The following TENM2 variants were observed in gnomAD, a reference collection of about 807,000 sequenced individuals.
TENM2 encodes the protein teneurin-2.
A neutral mutation model predicts 245.2 loss-of-function variants in TENM2; 52 were observed. The ratio of observed to expected loss-of-function variants is 0.21; its 90% CI spans 0.17 to 0.27. The LOEUF (loss-of-function observed/expected upper bound fraction) is 0.27, where lower values mean the gene tolerates loss of function less well. TENM2 is among the 10% of genes least tolerant of loss of function. The pLI, the probability that TENM2 is intolerant of heterozygous loss-of-function variation, is 1.00. For missense variants in TENM2, 3,046 were observed against 3,666.8 expected, an observed-to-expected ratio of 0.83 and a Z score of 4.37; for synonymous variants, 1,363 against 1,438.9, an observed-to-expected ratio of 0.95 and a Z score of 1.19.
intron 1 of TENM2, among the ~76,000 whole-genome samples, chr5:167,351,623 A>C (rs1758919825): frequency 6.6e-6 from 1 of 152,188 alleles, no homozygotes; most frequent in Admixed American, 6.5e-5. Context: ...AGAGGTGATG[A>C]AAACCGGAAG....
the TENM2 span, among the ~76,000 whole-genome samples, chr5:167,201,190 T>A: frequency 6.6e-6 from 1 of 152,212 alleles, no homozygotes; most frequent in Non-Finnish European, 1.5e-5. Flanking sequence ...TAGCTATTGC[T>A]TAAGGTGAGA....
chr5:167,528,021 C>A (rs1771237004), intron 2 of TENM2, among the ~76,000 whole-genome samples: 1 of 152,068 alleles, frequency 6.6e-6, no homozygotes. Context: ...TTTAATAAGG[C>A]CTTACAAGGT....
intron 13 of TENM2, among the ~76,000 whole-genome samples, chr5:168,180,075 C>A (rs561046420): frequency 3.9e-5 from 6 of 152,270 alleles, no homozygotes; most frequent in African/African-American, 1.4e-4. Context: ...TGGGCCTGAT[C>A]ACCAAAAGCC....
At chr5:167,042,297 T>C in the TENM2 span, among the ~76,000 whole-genome samples, 1 of 152,200 alleles carries the variant, frequency 6.6e-6, no homozygotes, top group Non-Finnish European at 1.5e-5. Flanking sequence ...GCAAGTTTTC[T>C]TTTTGCACAG....
chr5:167,332,050 G>A (rs1042179601), intron 1 of TENM2, among the ~76,000 whole-genome samples: 2 of 152,042 alleles, frequency 1.3e-5, no homozygotes, highest in African/African-American at 4.8e-5. Context: ...AATCACCAAC[G>A]GGCAATTTGT....
At chr5:167,499,192 C>T (rs1769015005) in intron 2 of TENM2, among the ~76,000 whole-genome samples, 1 of 152,054 alleles carries the variant, frequency 6.6e-6, no homozygotes, top group Non-Finnish European at 1.5e-5. Context: ...TCTTAGCATT[C>T]TCTTAGAAAG....
chr5:167,076,449 T>G, the TENM2 span, among the ~76,000 whole-genome samples: 4 of 152,192 alleles, frequency 2.6e-5, no homozygotes, highest in African/African-American at 7.2e-5. Context: ...ATTATTAAAA[T>G]GAAACCATAC....
chr5:167,884,147 G>A (rs1027480441), intron 3 of TENM2, among the ~76,000 whole-genome samples: 2 of 152,154 alleles, frequency 1.3e-5, no homozygotes, highest in Admixed American at 6.5e-5. Flanking sequence ...ATGACATTCC[G>A]ATACATCTAA....
intron 2 of TENM2, among the ~76,000 whole-genome samples, chr5:167,614,562 T>C (rs1777666070): frequency 6.6e-6 from 1 of 152,028 alleles, no homozygotes; most frequent in Non-Finnish European, 1.5e-5. Context: ...AGAGAGGAAA[T>C]TTTTTTTCTT....
At chr5:168,062,323 G>C in intron 7 of TENM2, 58 bp downstream of exon 9, 1 of 1,341,096 alleles carries the variant, frequency 7.5e-7, no homozygotes, top group South Asian at 1.2e-5. Flanking sequence ...ATATATGTGT[G>C]TGTGTATATA....
At chr5:167,160,498 A>G in the TENM2 span, among the ~76,000 whole-genome samples, 1 of 152,276 alleles carries the variant, frequency 6.6e-6, no homozygotes, top group Non-Finnish European at 1.5e-5. Context: ...GGAAGTCAGC[A>G]TGCAAGACCG....
the TENM2 span, among the ~76,000 whole-genome samples, chr5:167,261,003 A>G: frequency 1.3e-5 from 2 of 152,194 alleles, no homozygotes; most frequent in African/African-American, 2.4e-5. Flanking sequence ...CATTTCATAG[A>G]TGAGAAAACA....
chr5:167,792,219 A>G (rs889234269), intron 2 of TENM2, among the ~76,000 whole-genome samples: 5 of 152,006 alleles, frequency 3.3e-5, no homozygotes, highest in Admixed American at 1.3e-4. Flanking sequence ...CTGAGCCTTC[A>G]TTACAGCCTC....
chr5:167,707,329 T>A (rs918418062), intron 2 of TENM2, among the ~76,000 whole-genome samples: 1 of 152,200 alleles, frequency 6.6e-6, no homozygotes, highest in African/African-American at 2.4e-5. Context: ...TAACCCTTTA[T>A]CAGATATATG....
At chr5:167,955,987 G>GT (rs1207659044) in intron 4 of TENM2, among the ~76,000 whole-genome samples, 2 of 152,198 alleles carry the variant, frequency 1.3e-5, no homozygotes, top group Non-Finnish European at 2.9e-5. Context: ...ATTTTAAGTA[G>GT]TTTTTTCTAA....
At position 167,337,123 on chromosome 5, in the gene TENM2, C is replaced by CAA. The variant is rs71591174; in HGVS notation, c.227-38046_227-38045dup. 6.3e-3 allele frequency among the ~76,000 whole-genome samples: 358 copies of CAA among 56,656 alleles called. 16 individuals carry two copies. The highest frequency in any genetic ancestry group is 0.022 in the African/African-American group (247 of 11,260). 37.2% of individuals were successfully genotyped at this position (56,656 alleles called of 152,430 possible). On this transcript the variant is annotated intron_variant, in intron 1 of 28. Coordinates refer to ENST00000518659, the Ensembl canonical transcript of TENM2. ...TGGGCGACAGAGGGAGACTCCGTCT[C>CAA]AAAAAAAAAAAAAAAAAAAAAAAAA...
intron 2 of TENM2, among the ~76,000 whole-genome samples, chr5:167,575,568 A>G (rs1774592823): frequency 6.6e-6 from 1 of 152,172 alleles, no homozygotes; most frequent in African/African-American, 2.4e-5. Flanking sequence ...TTATGAGGAC[A>G]TCAGAAACTG....
chr5:167,801,221 T>C (rs1179261042), intron 2 of TENM2, among the ~76,000 whole-genome samples: 1 of 148,692 alleles, frequency 6.7e-6, no homozygotes, highest in Non-Finnish European at 1.5e-5. Context: ...CAATTTCATA[T>C]TAGTAAACAA....
intron 27 of TENM2, among the ~76,000 whole-genome samples, chr5:168,255,107 T>C (rs1767531805): frequency 6.6e-6 from 1 of 151,944 alleles, no homozygotes; most frequent in African/African-American, 2.4e-5. Flanking sequence ...CTTGCTTTTC[T>C]TGGAATTCCC....
Sources: allele counts gnomAD v4.1 joint callset (sites outside exome capture counted in the v4.1 genomes callset), GRCh38; gene constraint gnomAD v4.1.1; transcripts MANE v1.5; gene names NCBI Gene and HGNC (gene_info 2026-07-23, HGNC 2026-07-21).